The following TREH variants were observed in gnomAD, a reference collection of about 807,000 sequenced individuals.
The protein encoded by TREH is trehalase.
In TREH, 69 loss-of-function variants were observed where a neutral mutation model predicts 80.5. The ratio of observed to expected loss-of-function variants is 0.86; its 90% confidence interval spans 0.71 to 1.05. The LOEUF (loss-of-function observed/expected upper bound fraction) is 1.05, where lower values mean the gene tolerates loss of function less well. Ranked by LOEUF, TREH falls within the 50% of genes least tolerant of loss-of-function variation. The probability of loss-of-function intolerance (pLI) is 0.00; values close to 1 mark genes in which losing one functional copy is unlikely to be tolerated. For synonymous variants in TREH, 309 were observed against 293.5 expected, an observed-to-expected ratio of 1.05 and a Z score of -0.54; for missense variants, 716 against 718.8, an observed-to-expected ratio of 1.00 and a Z score of 0.04.
intron 1 of TREH, among the ~76,000 whole-genome samples, chr11:118,664,392 G>T (rs936718845): frequency 6.6e-6 from 1 of 152,220 alleles, no homozygotes; most frequent in East Asian, 1.9e-4. Flanking sequence ...CTGTGTTTGG[G>T]TTTTTGCTGA....
chr11:118,670,730 C>T (rs1949423021), intron 1 of TREH, among the ~76,000 whole-genome samples: 1 of 152,162 alleles, frequency 6.6e-6, no homozygotes, highest in African/African-American at 2.4e-5. Context: ...AGGATAAGGC[C>T]ACTCAGGCTG....
At chr11:118,662,209 A>G (rs1037890422) in intron 4 of TREH, among the ~76,000 whole-genome samples, 4 of 148,496 alleles carry the variant, frequency 2.7e-5, no homozygotes, top group South Asian at 2.2e-4. Flanking sequence ...TCCCAGCTCA[A>G]CTTGGTGCCG....
Position 118,661,130 on chromosome 11 carries a change from G to T in TREH, c.857+30C>A. The T allele has an allele frequency of 6.2e-7, 1 of 1,613,622 alleles. No homozygotes were observed. The highest frequency in any genetic ancestry group is 1.1e-5 in the South Asian group (1 of 91,066). Reference sequence around the variant, plus strand: ...CTCTAACCAGAGTGAGCAGGTAAGAGATTGAGGGGTGGGCTGCCCAGTTCC... The same window carrying T: ...CTCTAACCAGAGTGAGCAGGTAAGATATTGAGGGGTGGGCTGCCCAGTTCC... On this transcript the variant is annotated intron_variant, in intron 8 of 14. Coordinates refer to ENST00000264029, the MANE Select transcript of TREH (RefSeq NM_007180.3). The surrounding 1 kb of genome is among the most constrained non-coding windows in gnomAD (Gnocchi z 4.2).
rs782451943 is a variant in TREH at position 118,663,400 on chromosome 11, T to C, written c.129A>G (p.Gln43=). Residue 43 remains glutamine, a synonymous_variant, in exon 2 of 15, where the codon CAA becomes CAG. Transcript: ENST00000264029. ...YCHGELLNQV[Q]MAKLYQDDKQ... ...TGTCATCCTGGTAGAGCTTGGCCAT[T>C]TGAACTTGGTTTAGGAGCTCCCCGT... 2 of 1,595,836 alleles carry C rather than the reference T, an allele frequency of 1.3e-6. No individual in the cohort carries two copies. Among genetic ancestry groups the C allele is most frequent in the Admixed American group, 3.5e-5 (2 of 57,576 alleles).
At chr11:118,660,367 CGTTT>C (rs1195345392) in intron 10 of TREH, among the ~76,000 whole-genome samples, 168 bp downstream of exon 10, 2 of 152,142 alleles carry the variant, frequency 1.3e-5, no homozygotes, top group Non-Finnish European at 2.9e-5. Flanking sequence ...GGGTTGGCTC[CGTTT>C]GTTCTCTTGT....
chr11:118,675,403 G>A (rs1949468541), intron 1 of TREH, among the ~76,000 whole-genome samples: 1 of 152,154 alleles, frequency 6.6e-6, no homozygotes, highest in African/African-American at 2.4e-5. Flanking sequence ...CAAGTTCAGG[G>A]GTCCCCAGGC....
intron 14 of TREH, 101 bp downstream of exon 14, chr11:118,658,579 G>T (rs1949254494): frequency 6.6e-7 from 1 of 1,519,492 alleles, no homozygotes; most frequent in Admixed American, 2.0e-5. Flanking sequence ...CCTCCCCCGG[G>T]CCCACATGCA....
intron 8 of TREH, 59 bp from the exon 9 acceptor site, chr11:118,660,974 C>A: frequency 1.3e-6 from 2 of 1,550,660 alleles, no homozygotes; most frequent in South Asian, 2.4e-5. Context: ...CCTCTGTGGT[C>A]AAGAAGAGGC....
intron 1 of TREH, among the ~76,000 whole-genome samples, chr11:118,667,277 C>T (rs1949386676): frequency 6.6e-6 from 1 of 152,204 alleles, no homozygotes; most frequent in Non-Finnish European, 1.5e-5. Flanking sequence ...CTCCCAGGCC[C>T]AGGTAATCCT....
At chr11:118,659,069 G>A in intron 12 of TREH, 52 bp from the exon 13 acceptor site, 1 of 1,554,728 alleles carries the variant, frequency 6.4e-7, no homozygotes, top group South Asian at 1.1e-5. Context: ...ATCCCAGACA[G>A]AGCAGTGGCT....
chr11:118,670,156 A>G (rs1555146091), intron 1 of TREH, among the ~76,000 whole-genome samples: 2 of 152,226 alleles, frequency 1.3e-5, no homozygotes. Flanking sequence ...TCAGGCTGAT[A>G]TCACTTGGCT....
Position 118,660,697 on chromosome 11 carries a change from C to G in TREH, c.944G>C (p.Gly315Ala). The G allele has an allele frequency of 6.3e-7, 1 of 1,599,202 alleles. No homozygotes were observed. Among genetic ancestry groups the G allele is most frequent in the Non-Finnish European group, 8.5e-7 (1 of 1,172,956 alleles). The change falls in exon 10 of 15, where the codon GGG becomes GCG. Residue 315 changes from glycine to alanine, a missense_variant. Transcript: ENST00000264029. ...AGAGAAGTCCCAGCCAGACTCAGCC[C>G]CAGCCTTGAGCTCAGCCCACAGAGC... ...REALWAELKA[G>A]AESGWDFSSR...
chr11:118,678,579 T>C (rs1220947978), intron 1 of TREH, among the ~76,000 whole-genome samples: 2 of 150,222 alleles, frequency 1.3e-5, no homozygotes, highest in African/African-American at 4.9e-5. Flanking sequence ...GCCAGGCTGG[T>C]CTCGAACTCC....
At chr11:118,662,073 G>A (rs890082783) in intron 4 of TREH, 83 bp from the exon 5 acceptor site, 31 of 1,105,502 alleles carry the variant, frequency 2.8e-5, no homozygotes, top group African/African-American at 2.2e-4. Context: ...CTGAGGCCCC[G>A]GGAGTCACAG....
chr11:118,677,882 C>G (rs1309101185), intron 1 of TREH, among the ~76,000 whole-genome samples: 6 of 152,190 alleles, frequency 3.9e-5, no homozygotes, highest in African/African-American at 1.4e-4. Flanking sequence ...ACCACCCAGC[C>G]TCTCTGAAGT....
At chr11:118,664,840 G>A (rs1197958260) in intron 1 of TREH, among the ~76,000 whole-genome samples, 1 of 152,226 alleles carries the variant, frequency 6.6e-6, no homozygotes, top group Non-Finnish European at 1.5e-5. Flanking sequence ...CGGGCACAGT[G>A]GCTCATGCCT....
intron 1 of TREH, among the ~76,000 whole-genome samples, chr11:118,676,448 T>A (rs1173922750): frequency 1.3e-5 from 2 of 152,100 alleles, no homozygotes; most frequent in Admixed American, 1.3e-4. Context: ...CACTCCAGCC[T>A]GGGTGACAGA....
At position 118,664,965 on chromosome 11, in the gene TREH, C is replaced by G. The variant is rs76006827; in HGVS notation, c.90-1526G>C. Among the ~76,000 whole-genome samples the G allele has an allele frequency of 3.4e-4, 51 of 152,192 alleles. 2 individuals carry two copies. In the South Asian group the frequency reaches 0.01, roughly 31 times the overall value. On this transcript the variant is annotated intron_variant, in intron 1 of 14. Transcript: ENST00000264029. ...CTCCACTAAAAATACAAAAATTAGA[C>G]AGATGTGGTGGCACGTGCCTGTGAT... is the stretch of plus-strand genomic sequence containing the variant.
At chr11:118,665,414 C>T (rs782777217) in intron 1 of TREH, among the ~76,000 whole-genome samples, 9 of 151,930 alleles carry the variant, frequency 5.9e-5, no homozygotes, top group East Asian at 3.9e-4. Context: ...CCGAGGAGGG[C>T]GGATCACAAG....
Sources: allele counts gnomAD v4.1 joint callset (sites outside exome capture counted in the v4.1 genomes callset), GRCh38; gene constraint gnomAD v4.1.1; non-coding constraint Gnocchi (gnomAD v3.1); transcripts MANE v1.5; gene names NCBI Gene and HGNC (gene_info 2026-07-23, HGNC 2026-07-21).